The following FAM124B variants were observed in gnomAD, a reference collection of about 807,000 sequenced individuals.
The protein encoded by FAM124B is family with sequence similarity 124 member B.
FAM124B carries 18 observed loss-of-function variants against 19.7 expected under a neutral mutation model. The observed-to-expected ratio is 0.92, with a 90% CI of 0.63 to 1.36. The LOEUF is 1.36. Among genes scored for constraint, FAM124B ranks in the 40% most tolerant of loss-of-function variants. The pLI, the probability that FAM124B is intolerant of heterozygous loss-of-function variation, is 0.00. For missense variants in FAM124B, 540 were observed against 553.3 expected (o/e 0.98, Z 0.24); for synonymous variants, 223 against 225.2 (o/e 0.99, Z 0.09).
intron 1 of FAM124B, among the ~76,000 whole-genome samples, chr2:224,397,345 C>T (rs2106088338): frequency 6.6e-6 from 1 of 152,262 alleles, no homozygotes. Flanking sequence ...ATTTTGAGGC[C>T]TCCCCAGCCA....
chr2:224,389,535 G>C (rs893797871), intron 1 of FAM124B, among the ~76,000 whole-genome samples: 7 of 152,064 alleles, frequency 4.6e-5, no homozygotes, highest in Non-Finnish European at 8.8e-5. Context: ...TTGGATGTGG[G>C]GGTTCTGAGA....
At chr2:224,392,162 C>T (rs6710799) in intron 1 of FAM124B, among the ~76,000 whole-genome samples, 2,058 of 152,206 alleles carry the variant, frequency 0.014, 44 homozygotes, top group African/African-American at 0.046. Context: ...GAGGATTTGG[C>T]GCTGGCACGG....
chr2:224,379,364 T>C lies in FAM124B; in HGVS notation c.*209A>G. The C allele has an allele frequency of 1.4e-6, 1 of 689,812 alleles. No homozygotes were observed. The highest frequency in any genetic ancestry group is 2.2e-6 in the Non-Finnish European group (1 of 449,280). 42.7% of individuals were successfully genotyped at this position (689,812 alleles called of 1,614,324 possible). On this transcript the variant is annotated 3_prime_UTR_variant, in exon 2 of 2. Transcript: ENST00000409685. The stretch of plus-strand genomic sequence containing the variant: ...TCGGTTTTTTTCCCTGTGTGTTGGC[T>C]GTGTTCTCTTATGACTGTGACGGCA...
At chr2:224,381,031 G>A (rs1045738439) in intron 1 of FAM124B, among the ~76,000 whole-genome samples, 2 of 152,144 alleles carry the variant, frequency 1.3e-5, no homozygotes, top group African/African-American at 4.8e-5. Context: ...TTCCCAAGAA[G>A]ATTTCTGGAA....
At chr2:224,390,723 C>CA (rs1559309848) in intron 1 of FAM124B, among the ~76,000 whole-genome samples, 1 of 145,926 alleles carries the variant, frequency 6.9e-6, no homozygotes, top group Non-Finnish European at 1.5e-5. Flanking sequence ...TTTTTTAAGA[C>CA]AGAGTCTCTC....
At position 224,393,464 on chromosome 2, in the gene FAM124B, C is replaced by T. The variant is rs113052487; in HGVS notation, c.732+7573G>A. On this transcript the variant is annotated intron_variant, in intron 1 of 1. Coordinates refer to ENST00000409685, the MANE Select transcript of FAM124B (RefSeq NM_001122779.2). ...TCTCTAGCTTCCAGGGAGGTTTTAT[C>T]TTGTAATTTATAAAGTTTTCCTACT... 1.1e-3 allele frequency among the ~76,000 whole-genome samples: 168 copies of T among 152,280 alleles called. 2 individuals carry two copies. The highest frequency in any genetic ancestry group is 3.9e-3 in the African/African-American group (164 of 41,548).
intron 1 of FAM124B, among the ~76,000 whole-genome samples, chr2:224,394,937 G>A (rs2106086386): frequency 6.6e-6 from 1 of 152,302 alleles, no homozygotes; most frequent in East Asian, 1.9e-4. Flanking sequence ...AGGGCAGTGT[G>A]ATACCACACA....
intron 1 of FAM124B, among the ~76,000 whole-genome samples, chr2:224,398,073 C>T (rs1391095709): frequency 1.3e-5 from 2 of 152,248 alleles, no homozygotes; most frequent in Middle Eastern, 3.4e-3. Flanking sequence ...TGTAAATTTC[C>T]CAGTCTCCAG....
chr2:224,400,450 G>A lies in FAM124B; in HGVS notation c.732+587C>T, dbSNP rs1046644223. The A allele has an allele frequency of 1.0e-5, 7 of 697,672 alleles. No homozygotes were observed. In the East Asian group the frequency reaches 1.3e-4, roughly 13 times the overall value. 43.2% of individuals were successfully genotyped at this position (697,672 alleles called of 1,614,324 possible). A position where few individuals can be genotyped will look rare whatever the true frequency, so the allele number is the denominator to read the frequency against. ...GAACCCAGAAGGTGAAGACCTCAGG[G>A]AGCTATGATGGCACCACCGCACTCG... On this transcript the variant is annotated intron_variant, in intron 1 of 1. Coordinates refer to ENST00000409685, the MANE Select transcript of FAM124B (RefSeq NM_001122779.2).
chr2:224,390,508 G>C (rs1321645780), intron 1 of FAM124B, among the ~76,000 whole-genome samples: 1 of 151,878 alleles, frequency 6.6e-6, no homozygotes, highest in Non-Finnish European at 1.5e-5. Flanking sequence ...AGGGCCTCTG[G>C]TAACAGAAAA....
intron 1 of FAM124B, among the ~76,000 whole-genome samples, chr2:224,390,723 C>G (rs1265018526): frequency 1.4e-5 from 2 of 145,926 alleles, no homozygotes; most frequent in Non-Finnish European, 3.0e-5. Context: ...TTTTTTAAGA[C>G]AGAGTCTCTC....
chr2:224,402,002 C>A lies in FAM124B; in HGVS notation c.-234G>T. 5.7e-6 allele frequency: 3 copies of A among 527,732 alleles called. No homozygotes were observed. Among genetic ancestry groups the A allele is most frequent in the East Asian group, 3.0e-5 (1 of 33,640 alleles). 32.7% of individuals were successfully genotyped at this position (527,732 alleles called of 1,614,324 possible). A position where few individuals can be genotyped will look rare whatever the true frequency, so the allele number is the denominator to read the frequency against. On this transcript the variant is annotated 5_prime_UTR_variant, in exon 1 of 2. Transcript: ENST00000409685. Reference sequence around the variant, plus strand: ...TTCAGCAGCCTCCCTCTCCACACAGCAGCAGCGGGGTCACGTCATCCAGCT... The same window carrying A: ...TTCAGCAGCCTCCCTCTCCACACAGAAGCAGCGGGGTCACGTCATCCAGCT...
chr2:224,401,068 TGA>T lies in FAM124B; in HGVS notation c.699_700del (p.Gln234GlyfsTer20). ...CAGAATCTTGTTGCCATCGTAGTCCTGAGTCTGCCACCTGGTGCTGCTGATAG... is the reference window on the plus strand; with the variant it reads ...CAGAATCTTGTTGCCATCGTAGTCCTGTCTGCCACCTGGTGCTGCTGATAG... On this transcript the variant is annotated frameshift_variant, in exon 1 of 2. Coordinates refer to ENST00000409685, the MANE Select transcript of FAM124B (RefSeq NM_001122779.2). LOFTEE classifies it low-confidence loss of function (END_TRUNC). The T allele has an allele frequency of 6.2e-7, 1 of 1,609,390 alleles. No individual in the cohort carries two copies.
intron 1 of FAM124B, among the ~76,000 whole-genome samples, chr2:224,387,522 C>G (rs1167416181): frequency 1.3e-5 from 2 of 152,200 alleles, no homozygotes; most frequent in African/African-American, 4.8e-5. Context: ...GCCAGGCTCA[C>G]TTAAGAGTTG....
Position 224,401,516 on chromosome 2 carries a change from C to T in FAM124B, c.253G>A (p.Val85Ile), listed in dbSNP as rs756001279. Residue 85 changes from valine to isoleucine, a missense_variant, in exon 1 of 2, where the codon GTC (valine) becomes ATC (isoleucine). Val to Ile is a conservative substitution (Grantham distance 29). Transcript: ENST00000409685. The stretch of plus-strand genomic sequence containing the variant: ...GGCGAATGCTGGAGAGAGTCCAGGA[C>T]GCGAAATAGCCTATCCTCTCCCGGG... The part of the protein sequence containing the change: ...ESPGEDRLFR[V>I]LDSLQHSPWQ... 5.0e-6 allele frequency: 8 copies of T among 1,614,078 alleles called. No homozygotes were observed. The highest frequency in any genetic ancestry group is 1.1e-5 in the South Asian group (1 of 91,082).
At chr2:224,396,249 G>A (rs974323142) in intron 1 of FAM124B, among the ~76,000 whole-genome samples, 2 of 151,948 alleles carry the variant, frequency 1.3e-5, no homozygotes, top group East Asian at 3.9e-4. Context: ...GAAACCTCAG[G>A]AAGTTTGCTG....
chr2:224,382,886 C>T (rs1210545553), intron 1 of FAM124B, among the ~76,000 whole-genome samples: 1 of 152,056 alleles, frequency 6.6e-6, no homozygotes, highest in African/African-American at 2.4e-5. Flanking sequence ...TAAATTCTAC[C>T]CCTGAGCCAA....
intron 1 of FAM124B, among the ~76,000 whole-genome samples, chr2:224,393,501 A>G (rs1174362377): frequency 2.6e-5 from 4 of 152,146 alleles, no homozygotes; most frequent in Admixed American, 6.5e-5. Context: ...AACATCAAAC[A>G]ATGGTGGTGG....
At chr2:224,394,994 A>T (rs894099493) in intron 1 of FAM124B, among the ~76,000 whole-genome samples, 3 of 152,174 alleles carry the variant, frequency 2.0e-5, no homozygotes, top group Non-Finnish European at 4.4e-5. Flanking sequence ...CACATCTCCC[A>T]CAGGGCCATG....
Sources: gnomAD v4.1 joint callset for allele counts (sites outside exome capture counted in the v4.1 genomes callset) on GRCh38, gnomAD v4.1.1 for gene constraint, MANE v1.5 for transcripts, NCBI Gene and HGNC (gene_info 2026-07-23, HGNC 2026-07-21) for gene names.